AGBL4: variants seen among roughly 807,000 people sequenced by gnomAD.
AGBL4 encodes AGBL carboxypeptidase 4, also known as cytosolic carboxypeptidase 6.
In AGBL4, 58 loss-of-function variants were observed where a neutral mutation model predicts 66.4. That is an observed-to-expected ratio of 0.87 (90% CI 0.71 to 1.09). AGBL4 has a LOEUF of 1.09. Ranked by LOEUF, AGBL4 falls within the 50% of genes least tolerant of loss-of-function variation. The pLI is 0.00. For missense variants in AGBL4, 579 were observed against 631.0 expected (o/e 0.92, Z 0.88); for synonymous variants, 234 against 222.9 (o/e 1.05, Z -0.44).
chr1:48,757,657 A>G (rs546100939), intron 6 of AGBL4, among the ~76,000 whole-genome samples: 1 of 152,330 alleles, frequency 6.6e-6, no homozygotes, highest in Admixed American at 6.5e-5. Context: ...CTGAGCCACT[A>G]CCTTGGGGAT....
chr1:48,666,032 A>C (rs1176893452), intron 6 of AGBL4, among the ~76,000 whole-genome samples: 2 of 152,348 alleles, frequency 1.3e-5, no homozygotes, highest in East Asian at 3.9e-4. Flanking sequence ...GGCTAATAAA[A>C]ATCAAGCATC....
At chr1:48,740,163 A>C (rs569409846) in intron 6 of AGBL4, among the ~76,000 whole-genome samples, 2 of 152,350 alleles carry the variant, frequency 1.3e-5, no homozygotes, top group Admixed American at 1.3e-4. Context: ...AGAACACAGA[A>C]AGAAATGGGC....
intron 2 of AGBL4, among the ~76,000 whole-genome samples, chr1:49,805,638 C>A (rs1363252184): frequency 6.6e-6 from 1 of 152,170 alleles, no homozygotes; most frequent in African/African-American, 2.4e-5. Flanking sequence ...ATGCTTGTTT[C>A]TCCCAAAAAT....
chr1:48,606,255 T>A (rs1645152571), intron 9 of AGBL4, among the ~76,000 whole-genome samples: 1 of 152,126 alleles, frequency 6.6e-6, no homozygotes, highest in Admixed American at 6.6e-5. Flanking sequence ...CAAGACACCT[T>A]GCATGAATTT....
At chr1:49,761,055 G>A (rs1009588311) in intron 2 of AGBL4, among the ~76,000 whole-genome samples, 1 of 151,788 alleles carries the variant, frequency 6.6e-6, no homozygotes, top group African/African-American at 2.4e-5. Context: ...TTAGAGGATG[G>A]GTCAATAGGT....
intron 9 of AGBL4, among the ~76,000 whole-genome samples, chr1:48,607,712 C>T (rs562242366): frequency 9.2e-5 from 14 of 152,154 alleles, no homozygotes; most frequent in African/African-American, 2.4e-4. Flanking sequence ...AAGCATATAT[C>T]CATATACAAC....
At chr1:49,620,836 T>G (rs547100474) in intron 3 of AGBL4, among the ~76,000 whole-genome samples, 1 of 152,292 alleles carries the variant, frequency 6.6e-6, no homozygotes, top group African/African-American at 2.4e-5. Flanking sequence ...AATTTAAATA[T>G]TTTTACTTTT....
chr1:49,206,691 T>A (rs1648160071), intron 4 of AGBL4, among the ~76,000 whole-genome samples: 1 of 152,062 alleles, frequency 6.6e-6, no homozygotes, highest in African/African-American at 2.4e-5. Flanking sequence ...TGCACCTGCG[T>A]CACTGACAAA....
At chr1:49,925,672 TG>T (rs890430806) in intron 1 of AGBL4, among the ~76,000 whole-genome samples, 3 of 152,162 alleles carry the variant, frequency 2.0e-5, no homozygotes, top group African/African-American at 7.2e-5. Flanking sequence ...GCCCTACACC[TG>T]GCAAAATATA....
chr1:48,564,434 G>C (rs981326815), intron 11 of AGBL4, among the ~76,000 whole-genome samples: 3 of 151,016 alleles, frequency 2.0e-5, no homozygotes, highest in Non-Finnish European at 4.4e-5. Context: ...CACACTAGAT[G>C]ACATGGGGGC....
chr1:49,664,919 T>C (rs1402034064), intron 3 of AGBL4, among the ~76,000 whole-genome samples: 1 of 152,080 alleles, frequency 6.6e-6, no homozygotes, highest in Non-Finnish European at 1.5e-5. Flanking sequence ...AAGATATAAA[T>C]TCAGAAGCAT....
In AGBL4 at chr1:49,430,324, G is replaced by T. The variant is rs137892595; in HGVS notation, c.283-184460C>A. ...TTCCCAAGTCCACACAATCTAGCTT[G>T]GGTGTTTTGTTTGACTTTAGAAAAA... is the stretch of plus-strand genomic sequence containing the variant. On this transcript the variant is annotated intron_variant, in intron 3 of 13. Transcript: ENST00000371839. Among the ~76,000 whole-genome samples the T allele has an allele frequency of 3.4e-3, 513 of 152,202 alleles. 4 individuals are homozygous for T. Among genetic ancestry groups the T allele is most frequent in the African/African-American group, 0.012 (497 of 41,534 alleles).
Position 49,414,788 on chromosome 1 carries a change from G to A in AGBL4, c.283-168924C>T, listed in dbSNP as rs1404558195. Among the ~76,000 whole-genome samples the A allele has an allele frequency of 1.5e-4, 23 of 152,118 alleles. 1 individual carries two copies. Among genetic ancestry groups the A allele is most frequent in the Admixed American group, 1.5e-3 (23 of 15,260 alleles). Reference sequence around the variant, plus strand: ...TCTGACTCCTAATCTGCATAGTGAGGACAATAATAACAATACACTCTTCAT... The same window carrying A: ...TCTGACTCCTAATCTGCATAGTGAGAACAATAATAACAATACACTCTTCAT... On this transcript the variant is annotated intron_variant, in intron 3 of 13. Transcript: ENST00000371839.
chr1:48,974,268 C>A (rs1659145331), intron 5 of AGBL4, among the ~76,000 whole-genome samples: 2 of 152,176 alleles, frequency 1.3e-5, no homozygotes, highest in South Asian at 4.2e-4. Context: ...CAGAAGAGTC[C>A]CCCATTACCC....
chr1:49,563,097 T>G (rs1644094740), intron 3 of AGBL4, among the ~76,000 whole-genome samples: 1 of 152,066 alleles, frequency 6.6e-6, no homozygotes, highest in African/African-American at 2.4e-5. Context: ...CACTCATGAT[T>G]TGGCTCTCTG....
chr1:48,934,669 C>A (rs1364923691), intron 5 of AGBL4, among the ~76,000 whole-genome samples: 1 of 152,154 alleles, frequency 6.6e-6, no homozygotes, highest in Non-Finnish European at 1.5e-5. Flanking sequence ...AGCCAGAAAC[C>A]CAGGAGGTCT....
intron 5 of AGBL4, among the ~76,000 whole-genome samples, chr1:48,954,832 T>C (rs192931380): frequency 1.5e-4 from 23 of 152,252 alleles, no homozygotes; most frequent in Non-Finnish European, 4.4e-5. Context: ...TGGAAATTAG[T>C]ACACTACAGA....
chr1:48,945,594 A>C (rs564706530), intron 5 of AGBL4, among the ~76,000 whole-genome samples: 165 of 152,304 alleles, frequency 1.1e-3, no homozygotes, highest in African/African-American at 3.7e-3. Flanking sequence ...CAAGTAAGAC[A>C]CTGTATGAGA....
At chr1:49,742,055 A>G (rs1571456665) in intron 2 of AGBL4, among the ~76,000 whole-genome samples, 2 of 152,246 alleles carry the variant, frequency 1.3e-5, no homozygotes, top group Admixed American at 1.3e-4. Context: ...GGCCAGGGCA[A>G]TTAGGCAGGA....
Sources: allele counts gnomAD v4.1 joint callset (sites outside exome capture counted in the v4.1 genomes callset), GRCh38; gene constraint gnomAD v4.1.1; transcripts MANE v1.5; gene names NCBI Gene and HGNC (gene_info 2026-07-23, HGNC 2026-07-21).